The following PRKCE variants were observed in gnomAD, a reference collection of about 807,000 sequenced individuals.
The protein encoded by PRKCE is protein kinase C epsilon, also known as protein kinase C epsilon type.
PRKCE carries 16 observed loss-of-function variants against 85.4 expected under a neutral mutation model. That is an observed-to-expected ratio of 0.19 (90% CI 0.13 to 0.28). The LOEUF is 0.28. Among genes scored for constraint, PRKCE ranks in the 10% least tolerant of loss-of-function variants. PRKCE has a pLI of 1.00. For missense variants in PRKCE, 573 were observed against 975.2 expected (o/e 0.59, Z 5.49); for synonymous variants, 388 against 371.5 (o/e 1.04, Z -0.51).
chr2:46,079,517 G>A (rs1420682910), intron 10 of PRKCE, among the ~76,000 whole-genome samples: 1 of 152,194 alleles, frequency 6.6e-6, no homozygotes, highest in African/African-American at 2.4e-5. Context: ...ATATAGACAT[G>A]GAGGGGAGAA....
chr2:45,969,136 T>C (rs868713842), intron 2 of PRKCE, among the ~76,000 whole-genome samples: 1 of 150,912 alleles, frequency 6.6e-6, no homozygotes, highest in African/African-American at 2.4e-5. Context: ...TTGTTGGAGG[T>C]TGGGGTTACT....
chr2:46,106,433 C>T (rs981857692), intron 11 of PRKCE, among the ~76,000 whole-genome samples: 4 of 152,218 alleles, frequency 2.6e-5, no homozygotes, highest in African/African-American at 9.6e-5. Flanking sequence ...ACTTTATCAA[C>T]TAGAGTACTG....
chr2:46,045,940 A>C (rs1038144458), intron 10 of PRKCE, among the ~76,000 whole-genome samples: 1 of 152,172 alleles, frequency 6.6e-6, no homozygotes, highest in Non-Finnish European at 1.5e-5. Flanking sequence ...GTCTTAACTT[A>C]CAGTGTGGGG....
At chr2:46,133,196 C>G (rs935894467) in intron 11 of PRKCE, among the ~76,000 whole-genome samples, 2 of 152,162 alleles carry the variant, frequency 1.3e-5, no homozygotes, top group African/African-American at 4.8e-5. Context: ...CGCCAGGCTC[C>G]AAGAACGCCC....
rs150850753 is a variant in PRKCE, at chr2:46,081,434, G to C, written c.1438-4774G>C. Among the ~76,000 whole-genome samples, 206 of 152,372 alleles carry C rather than the reference G, an allele frequency of 1.4e-3. 1 individual carries two copies. Among genetic ancestry groups the C allele is most frequent in the African/African-American group, 4.6e-3 (193 of 41,588 alleles). ...AAACAGCAAGCCAGAGTTACCAACAGTTCCTGCCCTCATGAAGCACACAGA... is the reference window on the plus strand; with the variant it reads ...AAACAGCAAGCCAGAGTTACCAACACTTCCTGCCCTCATGAAGCACACAGA... On this transcript the variant is annotated intron_variant, in intron 10 of 14. Transcript: ENST00000306156.
At chr2:46,027,106 C>G (rs912668462) in intron 10 of PRKCE, among the ~76,000 whole-genome samples, 1 of 152,110 alleles carries the variant, frequency 6.6e-6, no homozygotes, top group Non-Finnish European at 1.5e-5. Context: ...GAAGTCAAGG[C>G]TGCAGTGAGC....
chr2:45,928,039 C>T (rs1698763144), intron 2 of PRKCE, among the ~76,000 whole-genome samples: 1 of 152,076 alleles, frequency 6.6e-6, no homozygotes. Context: ...TTCTTTTGGG[C>T]TCTAAGATAG....
intron 1 of PRKCE, among the ~76,000 whole-genome samples, chr2:45,804,262 G>T (rs528855494): frequency 6.6e-6 from 1 of 152,314 alleles, no homozygotes; most frequent in Non-Finnish European, 1.5e-5. Flanking sequence ...CCAAAGCCAA[G>T]GGCTTTTGGG....
At chr2:45,849,313 A>C (rs1692054514) in intron 2 of PRKCE, among the ~76,000 whole-genome samples, 1 of 152,228 alleles carries the variant, frequency 6.6e-6, no homozygotes. Flanking sequence ...ACACTGAGGC[A>C]TTTAGAAGAT....
intron 1 of PRKCE, among the ~76,000 whole-genome samples, chr2:45,829,801 C>T (rs1236806348): frequency 2.0e-4 from 31 of 152,028 alleles, no homozygotes; most frequent in Non-Finnish European, 1.5e-5. Flanking sequence ...CGGCCGGGCG[C>T]GGTGGCTCAC....
At chr2:46,073,871 A>C (rs1668286735) in intron 10 of PRKCE, 1 of 152,132 alleles carries the variant, frequency 6.6e-6, no homozygotes, top group South Asian at 2.1e-4. Flanking sequence ...GTTTCACTGG[A>C]TACCTGAGTA....
intron 11 of PRKCE, among the ~76,000 whole-genome samples, chr2:46,125,125 G>A (rs886408330): frequency 4.6e-5 from 7 of 152,124 alleles, no homozygotes; most frequent in Admixed American, 4.6e-4. Flanking sequence ...TTAGAAAATT[G>A]GAATCTAATT....
chr2:45,665,269 T>C (rs1017254946), intron 1 of PRKCE, among the ~76,000 whole-genome samples: 10 of 152,256 alleles, frequency 6.6e-5, no homozygotes, highest in Admixed American at 6.5e-4. Flanking sequence ...CTTTTCTTCC[T>C]TTAAAACATT....
chr2:45,729,489 C>G (rs1681379943), intron 1 of PRKCE, among the ~76,000 whole-genome samples: 2 of 152,112 alleles, frequency 1.3e-5, no homozygotes, highest in South Asian at 2.1e-4. Context: ...TATGTGTCCC[C>G]CTTCATTACT....
chr2:45,962,241 C>G (rs1329953746), intron 2 of PRKCE, among the ~76,000 whole-genome samples: 3 of 152,220 alleles, frequency 2.0e-5, no homozygotes, highest in Non-Finnish European at 4.4e-5. Context: ...TAATGTAGAA[C>G]CATTCCTACT....
intron 6 of PRKCE, among the ~76,000 whole-genome samples, chr2:45,993,967 G>C (rs984937639): frequency 5.3e-5 from 8 of 152,008 alleles, no homozygotes; most frequent in Non-Finnish European, 1.0e-4. Context: ...TAGCCCAATG[G>C]GCATCTTGGG....
At chr2:46,093,561 C>G (rs1196833802) in intron 11 of PRKCE, among the ~76,000 whole-genome samples, 6 of 146,018 alleles carry the variant, frequency 4.1e-5, no homozygotes, top group African/African-American at 1.3e-4. Context: ...TAGGGTCTTG[C>G]TCTGTTGTCC....
In PRKCE at chr2:46,109,696, C is replaced by A. The variant is rs1045171608; in HGVS notation, c.1592+23334C>A. Among the ~76,000 whole-genome samples, 25 of 151,914 alleles carry A rather than the reference C, an allele frequency of 1.6e-4. 1 individual carries two copies. The highest frequency in any genetic ancestry group is 1.2e-3 in the Admixed American group (19 of 15,230). ...TCCTAATCTGCACACCTTTTATTTT[C>A]TTTTCTTGTTTTATCACACTCACTA... On this transcript the variant is annotated intron_variant, in intron 11 of 14. Coordinates refer to ENST00000306156, the MANE Select transcript of PRKCE (RefSeq NM_005400.3).
chr2:45,834,262 G>A (rs1375344), intron 1 of PRKCE, among the ~76,000 whole-genome samples: 93,687 of 152,068 alleles, frequency 0.62, 29,930 homozygotes, highest in African/African-American at 0.79. Context: ...TGAGAATGCA[G>A]TGTTTCAGCC....
Sources: gnomAD v4.1 joint callset for allele counts (sites outside exome capture counted in the v4.1 genomes callset) on GRCh38, gnomAD v4.1.1 for gene constraint, MANE v1.5 for transcripts, NCBI Gene and HGNC (gene_info 2026-07-23, HGNC 2026-07-21) for gene names.